GPR180: variants seen among roughly 807,000 people sequenced by gnomAD.
GPR180 encodes the protein integral membrane protein GPR180.
GPR180 carries 53 observed loss-of-function variants against 52.6 expected under a neutral mutation model. The observed-to-expected ratio is 1.01, with a 90% CI of 0.81 to 1.27. The LOEUF is 1.27. Among genes scored for constraint, GPR180 ranks in the 50% most tolerant of loss-of-function variants. GPR180 has a pLI of 0.00. For synonymous variants in GPR180, 200 were observed against 193.1 expected, an observed-to-expected ratio of 1.04 and a Z score of -0.30; for missense variants, 533 against 527.0, an observed-to-expected ratio of 1.01 and a Z score of -0.11.
intron 3 of GPR180, among the ~76,000 whole-genome samples, chr13:94,616,242 GA>G (rs1218793545): frequency 2.6e-5 from 4 of 152,326 alleles, no homozygotes; most frequent in African/African-American, 9.6e-5. Flanking sequence ...TGACATGAAA[GA>G]AAGAAGATAA....
At chr13:94,621,795 C>CT (rs756884117) in intron 6 of GPR180, among the ~76,000 whole-genome samples, 53 of 150,984 alleles carry the variant, frequency 3.5e-4, no homozygotes, top group Admixed American at 1.1e-3. Flanking sequence ...TCCTGCATGC[C>CT]TTTTTTTTTA....
rs889130038 is a variant in GPR180 at position 94,629,780 on chromosome 13, A to G, written c.*2609A>G. On this transcript the variant is annotated 3_prime_UTR_variant, in exon 9 of 9. Transcript: ENST00000376958. ...GACAGTATTACTAGCAGGAGAGTTA[A>G]TCTAGGCAGAAGAGCTTGCTTTAGG... The G allele has an allele frequency of 6.6e-6, 1 of 152,220 alleles. No homozygotes were observed. The highest frequency in any genetic ancestry group is 1.5e-5 in the Non-Finnish European group (1 of 68,032). 9.4% of individuals were successfully genotyped at this position (152,220 alleles called of 1,614,324 possible).
chr13:94,625,699 A>G (rs1889919962), intron 7 of GPR180, among the ~76,000 whole-genome samples: 1 of 152,196 alleles, frequency 6.6e-6, no homozygotes, highest in South Asian at 2.1e-4. Flanking sequence ...TGTTACTTAT[A>G]TTAATAATTT....
chr13:94,621,077 G>A lies in GPR180; in HGVS notation c.737-1G>A, dbSNP rs370400493. The A allele has an allele frequency of 4.4e-6, 7 of 1,601,344 alleles. No homozygotes were observed. The highest frequency in any genetic ancestry group is 5.9e-6 in the Non-Finnish European group (7 of 1,176,598). On this transcript the variant is annotated splice_acceptor_variant, in intron 5 of 8. Coordinates refer to ENST00000376958, the MANE Select transcript of GPR180 (RefSeq NM_180989.6). LOFTEE classifies it high-confidence loss of function. The stretch of plus-strand genomic sequence containing the variant: ...TGACGTTGGTTTTCATGTCCCATTA[G>A]TTTTTGACATCGCTTCCCAAATTCA...
At chr13:94,623,428 A>C in intron 7 of GPR180, 128 bp downstream of exon 7, 1 of 683,702 alleles carries the variant, frequency 1.5e-6, no homozygotes, top group South Asian at 2.1e-5. Context: ...GCTCACTCCT[A>C]TAATCCCAGT....
chr13:94,627,023 T>C lies in GPR180; in HGVS notation c.1175T>C (p.Ile392Thr), dbSNP rs761282585. ...TCCTTTTCTTTTCAGGTTATTACAA[T>C]AGGTGTTATCCTTTGCCAGTCTGTT... is the stretch of plus-strand genomic sequence containing the variant. ...SDYQRDKVIT[I>T]GVILCQSVSM... Residue 392 changes from isoleucine (I) to threonine (T), a missense_variant, in exon 9 of 9, where the codon ATA becomes ACA. By Grantham distance (89) the Ile-to-Thr change is moderately conservative. Transcript: ENST00000376958. The C allele has an allele frequency of 6.3e-7, 1 of 1,598,764 alleles. No individual in the cohort carries two copies. The highest frequency in any genetic ancestry group is 1.3e-5 in the African/African-American group (1 of 74,204).
chr13:94,604,294 A>G (rs1312454884), intron 1 of GPR180, among the ~76,000 whole-genome samples: 5 of 151,714 alleles, frequency 3.3e-5, no homozygotes, highest in African/African-American at 1.2e-4. Context: ...AGATCGTGCC[A>G]TTGCACTCCA....
At chr13:94,615,608 C>A (rs975933420) in intron 3 of GPR180, among the ~76,000 whole-genome samples, 2 of 152,104 alleles carry the variant, frequency 1.3e-5, no homozygotes, top group Admixed American at 6.5e-5. Context: ...TTTTAAGGTA[C>A]AATGAAATAA....
At chr13:94,604,386 G>A (rs1010050600) in intron 1 of GPR180, among the ~76,000 whole-genome samples, 5 of 150,192 alleles carry the variant, frequency 3.3e-5, no homozygotes, top group Non-Finnish European at 7.4e-5. Context: ...ATGGTGAAAC[G>A]CTGTCTCTAC....
intron 3 of GPR180, among the ~76,000 whole-genome samples, chr13:94,616,197 G>A (rs1889775855): frequency 6.6e-6 from 1 of 152,158 alleles, no homozygotes; most frequent in Non-Finnish European, 1.5e-5. Flanking sequence ...TCCTTTTTCA[G>A]AACTGGGTCA....
At chr13:94,624,379 A>G (rs1026013391) in intron 7 of GPR180, among the ~76,000 whole-genome samples, 13 of 152,088 alleles carry the variant, frequency 8.5e-5, no homozygotes, top group Non-Finnish European at 1.9e-4. Flanking sequence ...CTTTATTCCT[A>G]GTGTTGAGCA....
chr13:94,610,549 A>G (rs1243587697), intron 2 of GPR180, among the ~76,000 whole-genome samples: 1 of 152,212 alleles, frequency 6.6e-6, no homozygotes, highest in Non-Finnish European at 1.5e-5. Context: ...TTATTTGCTG[A>G]GTCGCAAGGC....
intron 2 of GPR180, among the ~76,000 whole-genome samples, chr13:94,611,338 G>C (rs1275648050): frequency 6.6e-6 from 1 of 152,148 alleles, no homozygotes; most frequent in East Asian, 1.9e-4. Flanking sequence ...GATTTTGTAA[G>C]TTGAATGCTC....
At chr13:94,602,864 G>C (rs751371003) in intron 1 of GPR180, among the ~76,000 whole-genome samples, 8 of 152,120 alleles carry the variant, frequency 5.3e-5, no homozygotes. Context: ...CTCTTAATTT[G>C]ACTAGTGCTG....
At chr13:94,608,723 A>G (rs1889664944) in intron 2 of GPR180, among the ~76,000 whole-genome samples, 1 of 152,324 alleles carries the variant, frequency 6.6e-6, no homozygotes. Context: ...TGCTTTTCTT[A>G]GCTATTAATG....
intron 1 of GPR180, among the ~76,000 whole-genome samples, chr13:94,603,632 A>C (rs1026278539): frequency 6.6e-6 from 1 of 152,194 alleles, no homozygotes; most frequent in Non-Finnish European, 1.5e-5. Flanking sequence ...AAGACTTCAA[A>C]ATATGTAATC....
chr13:94,617,638 T>C (rs1007009056), intron 3 of GPR180, among the ~76,000 whole-genome samples: 9 of 152,170 alleles, frequency 5.9e-5, no homozygotes, highest in African/African-American at 2.2e-4. Context: ...AAAAGCCTGA[T>C]TGAGCTATTT....
intron 2 of GPR180, among the ~76,000 whole-genome samples, chr13:94,611,671 C>T (rs530270729): frequency 6.6e-6 from 1 of 151,976 alleles, no homozygotes; most frequent in Non-Finnish European, 1.5e-5. Context: ...GTAATTCTGC[C>T]CCCACTCAGC....
rs760305025 is a variant in GPR180 at position 94,619,467 on chromosome 13, G to C, written c.687-1G>C. The C allele has an allele frequency of 6.2e-7, 1 of 1,612,302 alleles. No individual in the cohort carries two copies. The highest frequency in any genetic ancestry group is 8.5e-7 in the Non-Finnish European group (1 of 1,178,970). The stretch of plus-strand genomic sequence containing the variant: ...TACACTACTCTTCTTCAATTCCTCA[G>C]TTACTCCAAAGATGGAATAGGGGTA... On this transcript the variant is annotated splice_acceptor_variant, in intron 4 of 8. Transcript: ENST00000376958. LOFTEE classifies it high-confidence loss of function.
Sources: allele counts gnomAD v4.1 joint callset (sites outside exome capture counted in the v4.1 genomes callset), GRCh38; gene constraint gnomAD v4.1.1; transcripts MANE v1.5; gene names NCBI Gene and HGNC (gene_info 2026-07-23, HGNC 2026-07-21).